The following LHFPL3 variants were observed in gnomAD, a reference collection of about 807,000 sequenced individuals.
LHFPL3 encodes the protein LHFPL tetraspan subfamily member 3, also known as LHFPL tetraspan subfamily member 3 protein.
In LHFPL3, 5 loss-of-function variants were observed where a neutral mutation model predicts 19.3. The observed-to-expected ratio is 0.26, with a 90% CI of 0.14 to 0.54. The LOEUF is 0.54. Ranked by LOEUF, LHFPL3 falls within the 20% of genes least tolerant of loss-of-function variation. The probability of loss-of-function intolerance (pLI) is 0.94; values close to 1 mark genes in which losing one functional copy is unlikely to be tolerated. For synonymous variants in LHFPL3, 133 were observed against 126.2 expected (o/e 1.05, Z -0.36); for missense variants, 249 against 307.4 (o/e 0.81, Z 1.42).
chr7:104,633,591 T>A (rs935755999), intron 1 of LHFPL3, among the ~76,000 whole-genome samples: 3 of 152,224 alleles, frequency 2.0e-5, no homozygotes, highest in Non-Finnish European at 4.4e-5. Flanking sequence ...TTGTACAGCT[T>A]CCTTCCTAAA....
chr7:104,667,090 T>C (rs1490740650), intron 1 of LHFPL3, among the ~76,000 whole-genome samples: 1 of 152,226 alleles, frequency 6.6e-6, no homozygotes, highest in African/African-American at 2.4e-5. Context: ...ATAATAGCTG[T>C]ACCAATTTAC....
Position 104,906,567 on chromosome 7 carries a change from G to T in LHFPL3, c.*352G>T. On this transcript the variant is annotated 3_prime_UTR_variant, in exon 3 of 3. Coordinates refer to ENST00000424859, the MANE Select transcript of LHFPL3 (RefSeq NM_199000.3). ...GTAAAATATATACGTACTGAGGTTT[G>T]TAAACTGTCCTTTTTAAATCAAACT... 4.3e-6 allele frequency: 1 copy of T among 235,134 alleles called. No individual in the cohort carries two copies. Among genetic ancestry groups the T allele is most frequent in the Non-Finnish European group, 8.2e-6 (1 of 122,392 alleles). The allele number at this position is 235,134 out of a possible 1,614,324, so 14.6% of individuals were successfully genotyped here. A position where few individuals can be genotyped will look rare whatever the true frequency, so the allele number is the denominator to read the frequency against.
At chr7:104,484,253 C>G (rs933882429) in intron 1 of LHFPL3, among the ~76,000 whole-genome samples, 2 of 152,156 alleles carry the variant, frequency 1.3e-5, no homozygotes, top group Admixed American at 6.5e-5. Flanking sequence ...TTAAGGGAAG[C>G]AGGACTGAAC....
At chr7:104,757,910 C>T (rs1005891693) in intron 2 of LHFPL3, among the ~76,000 whole-genome samples, 3 of 152,162 alleles carry the variant, frequency 2.0e-5, no homozygotes, top group African/African-American at 7.2e-5. Flanking sequence ...CTTGTATGTT[C>T]ATTGCAGCAC....
chr7:104,800,722 G>C (rs1790228217), intron 2 of LHFPL3, among the ~76,000 whole-genome samples: 1 of 152,150 alleles, frequency 6.6e-6, no homozygotes, highest in African/African-American at 2.4e-5. Flanking sequence ...TAGTGACCCA[G>C]CTCCTTTCCT....
At chr7:104,724,776 A>G (rs1793560826) in intron 1 of LHFPL3, among the ~76,000 whole-genome samples, 1 of 136,374 alleles carries the variant, frequency 7.3e-6, no homozygotes, top group African/African-American at 2.5e-5. Context: ...AAAAGAAAAG[A>G]ATATATCCAA....
intron 1 of LHFPL3, chr7:104,623,149 A>G (rs2115811637): frequency 1.0e-5 from 2 of 193,596 alleles, no homozygotes; most frequent in Middle Eastern, 2.2e-3. Context: ...ATTGACTTTT[A>G]AGAGTTCTAG....
At chr7:104,787,203 A>G (rs573039993) in intron 2 of LHFPL3, among the ~76,000 whole-genome samples, 46 of 152,332 alleles carry the variant, frequency 3.0e-4, no homozygotes, top group African/African-American at 1.1e-3. Context: ...CTTCAAGTAT[A>G]GGAAAGTCTT....
intron 1 of LHFPL3, among the ~76,000 whole-genome samples, chr7:104,518,700 C>T (rs538583366): frequency 2.0e-5 from 3 of 152,126 alleles, no homozygotes; most frequent in Non-Finnish European, 4.4e-5. Flanking sequence ...AGGAGAATCA[C>T]TTGAACATGG....
chr7:104,875,757 A>G (rs1396733746), intron 2 of LHFPL3, among the ~76,000 whole-genome samples: 1 of 152,264 alleles, frequency 6.6e-6, no homozygotes, highest in East Asian at 1.9e-4. Flanking sequence ...AGTTTGGTCA[A>G]GTACTGATTC....
At chr7:104,618,866 C>T (rs1352177966) in intron 1 of LHFPL3, among the ~76,000 whole-genome samples, 2 of 152,182 alleles carry the variant, frequency 1.3e-5, no homozygotes, top group African/African-American at 4.8e-5. Context: ...ATGTACCCTG[C>T]CATATATTTT....
chr7:104,449,219 C>T (rs1792385245), intron 1 of LHFPL3, among the ~76,000 whole-genome samples: 1 of 152,132 alleles, frequency 6.6e-6, no homozygotes, highest in African/African-American at 2.4e-5. Context: ...CAAAGCAATC[C>T]ATTAGGATGT....
chr7:104,691,295 C>T (rs1043402194), intron 1 of LHFPL3, among the ~76,000 whole-genome samples: 1 of 152,204 alleles, frequency 6.6e-6, no homozygotes, highest in Non-Finnish European at 1.5e-5. Flanking sequence ...CTCAAATGCC[C>T]ATTGTCCCTA....
intron 1 of LHFPL3, among the ~76,000 whole-genome samples, chr7:104,662,393 A>C (rs953198956): frequency 6.6e-6 from 1 of 152,186 alleles, no homozygotes; most frequent in Non-Finnish European, 1.5e-5. Flanking sequence ...TAATCCCCCC[A>C]AGGACCCAAG....
rs57028058 is a variant in LHFPL3 at position 104,585,480 on chromosome 7, AACACACACACAC to A, written c.446-151164_446-151153del. 2.6e-3 allele frequency among the ~76,000 whole-genome samples: 315 copies of A among 123,458 alleles called. 1 individual carries two copies. The Middle Eastern group carries it at 0.035, about 14-fold the overall frequency. 81.0% of individuals were successfully genotyped at this position (123,458 alleles called of 152,430 possible). ...AAAGTGGAATAAGGCAACACACACA[AACACACACACAC>A]ACACACACACACACACACACACACA... On this transcript the variant is annotated intron_variant, in intron 1 of 2. Transcript: ENST00000424859.
intron 1 of LHFPL3, among the ~76,000 whole-genome samples, chr7:104,696,354 G>C (rs1386829778): frequency 6.6e-6 from 1 of 152,192 alleles, no homozygotes; most frequent in Non-Finnish European, 1.5e-5. Flanking sequence ...AAGTACCAGT[G>C]TCTAATGTAT....
intron 2 of LHFPL3, among the ~76,000 whole-genome samples, chr7:104,902,543 T>G (rs1046551167): frequency 6.6e-6 from 1 of 151,090 alleles, no homozygotes; most frequent in Non-Finnish European, 1.5e-5. Flanking sequence ...TCCCAGCACT[T>G]TGGGAGGCCG....
At chr7:104,659,075 A>C (rs1329281797) in intron 1 of LHFPL3, among the ~76,000 whole-genome samples, 2 of 152,196 alleles carry the variant, frequency 1.3e-5, no homozygotes, top group African/African-American at 4.8e-5. Context: ...GCACTTACAC[A>C]GTTCTGTGCC....
intron 1 of LHFPL3, among the ~76,000 whole-genome samples, chr7:104,471,092 G>A (rs1034572): frequency 0.44 from 66,334 of 151,898 alleles, 15,098 homozygotes; most frequent in African/African-American, 0.54. Context: ...TGGAATTCTC[G>A]TGATTTTTTC....
Sources: allele counts gnomAD v4.1 joint callset (sites outside exome capture counted in the v4.1 genomes callset), GRCh38; gene constraint gnomAD v4.1.1; transcripts MANE v1.5; gene names NCBI Gene and HGNC (gene_info 2026-07-23, HGNC 2026-07-21).